KCTD8: variants seen among roughly 807,000 people sequenced by gnomAD.
KCTD8 encodes potassium channel tetramerization domain containing 8.
Under a neutral mutation model 31.5 loss-of-function variants are expected in KCTD8, and 27 were observed. The observed-to-expected ratio is 0.86, with a 90% CI of 0.63 to 1.18. KCTD8 has a LOEUF of 1.18. KCTD8 is among the 50% of genes most tolerant of loss of function. The pLI is 0.00. For synonymous variants in KCTD8, 290 were observed against 280.0 expected, an observed-to-expected ratio of 1.04 and a Z score of -0.36; for missense variants, 658 against 647.7, an observed-to-expected ratio of 1.02 and a Z score of -0.17.
rs980447276 is a variant in KCTD8 at position 44,245,883 on chromosome 4, C to T, written c.962-70633G>A. On this transcript the variant is annotated intron_variant, in intron 1 of 1. Transcript: ENST00000360029. ...AAACAATTTGAATAGAGATTCAGAA[C>T]AAAATATACCACCTGTATAATACTC... 2.0e-5 allele frequency among the ~76,000 whole-genome samples: 3 copies of T among 151,940 alleles called. No individual in the cohort carries two copies. In the South Asian group the frequency reaches 6.2e-4, roughly 31 times the overall value.
chr4:44,437,705 G>A (rs1426098809), intron 1 of KCTD8, among the ~76,000 whole-genome samples: 1 of 152,024 alleles, frequency 6.6e-6, no homozygotes, highest in Non-Finnish European at 1.5e-5. Flanking sequence ...AGATTACTTG[G>A]CACACAATAC....
chr4:44,194,487 T>C (rs1713870172), intron 1 of KCTD8, among the ~76,000 whole-genome samples: 3 of 152,166 alleles, frequency 2.0e-5, no homozygotes, highest in Admixed American at 2.0e-4. Flanking sequence ...AAAAGCATAC[T>C]TAATTATGAG....
intron 1 of KCTD8, among the ~76,000 whole-genome samples, chr4:44,394,641 A>T (rs867001011): frequency 2.6e-5 from 4 of 152,006 alleles, no homozygotes; most frequent in African/African-American, 9.7e-5. Context: ...TTCAAATCGG[A>T]TAATTTGACC....
chr4:44,337,959 TA>T (rs971270058), intron 1 of KCTD8, among the ~76,000 whole-genome samples: 2 of 151,952 alleles, frequency 1.3e-5, no homozygotes, highest in African/African-American at 4.8e-5. Context: ...AGTGCTTAAG[TA>T]AACAGAATAC....
intron 1 of KCTD8, among the ~76,000 whole-genome samples, chr4:44,402,103 C>T (rs886633394): frequency 1.3e-5 from 2 of 152,066 alleles, no homozygotes; most frequent in East Asian, 1.9e-4. Flanking sequence ...GTAAAGTGGA[C>T]GTGGCATTTG....
chr4:44,405,861 T>C (rs1429076196), intron 1 of KCTD8, among the ~76,000 whole-genome samples: 1 of 151,248 alleles, frequency 6.6e-6, no homozygotes, highest in Non-Finnish European at 1.5e-5. Flanking sequence ...TACTGTTTTG[T>C]TTATCCTGAA....
intron 1 of KCTD8, among the ~76,000 whole-genome samples, chr4:44,195,186 A>T (rs1031095990): frequency 1.4e-5 from 2 of 139,588 alleles, no homozygotes; most frequent in Admixed American, 1.5e-4. Flanking sequence ...CTAAATACAT[A>T]CTTTTTTTTT....
At chr4:44,195,625 TTTATAA>T (rs1380363500) in intron 1 of KCTD8, among the ~76,000 whole-genome samples, 1 of 152,222 alleles carries the variant, frequency 6.6e-6, no homozygotes, top group African/African-American at 2.4e-5. Flanking sequence ...TAGAAAAAAC[TTTATAA>T]TTAAAATCTT....
intron 1 of KCTD8, among the ~76,000 whole-genome samples, chr4:44,316,795 G>GA (rs71188270): frequency 0.075 from 3,004 of 40,038 alleles, 485 homozygotes; most frequent in Non-Finnish European, 0.1. Flanking sequence ...CTAAAAATAC[G>GA]AAAAAAAAAA....
intron 1 of KCTD8, among the ~76,000 whole-genome samples, chr4:44,405,494 T>G (rs1045003279): frequency 1.3e-5 from 2 of 152,024 alleles, no homozygotes; most frequent in Admixed American, 1.3e-4. Flanking sequence ...CTTGAGCTCA[T>G]GATGAGCTCG....
chr4:44,251,229 C>A (rs1413000642), intron 1 of KCTD8, among the ~76,000 whole-genome samples: 1 of 151,542 alleles, frequency 6.6e-6, no homozygotes, highest in Non-Finnish European at 1.5e-5. Flanking sequence ...AATTGTCACA[C>A]CTTTTAGTAA....
intron 1 of KCTD8, among the ~76,000 whole-genome samples, chr4:44,393,402 T>C (rs1483379929): frequency 1.3e-5 from 2 of 151,816 alleles, no homozygotes; most frequent in Non-Finnish European, 2.9e-5. Context: ...ACAGTTATTC[T>C]CACACTAGTG....
intron 1 of KCTD8, among the ~76,000 whole-genome samples, chr4:44,400,943 C>A (rs1720635027): frequency 6.6e-6 from 1 of 151,502 alleles, no homozygotes; most frequent in Non-Finnish European, 1.5e-5. Flanking sequence ...CTCAAGCAAT[C>A]CCTCTGCCTC....
At chr4:44,197,031 C>G (rs1713964464) in intron 1 of KCTD8, among the ~76,000 whole-genome samples, 1 of 152,206 alleles carries the variant, frequency 6.6e-6, no homozygotes, top group South Asian at 2.1e-4. Flanking sequence ...GCTTGGGCTT[C>G]CAGCTCAGTG....
chr4:44,399,467 C>G (rs904910272), intron 1 of KCTD8, among the ~76,000 whole-genome samples: 4 of 152,082 alleles, frequency 2.6e-5, no homozygotes, highest in Admixed American at 2.6e-4. Context: ...TAAGCAAGAT[C>G]CCAGAGGCGG....
chr4:44,270,427 A>G lies in KCTD8; in HGVS notation c.962-95177T>C, dbSNP rs556920094. On this transcript the variant is annotated intron_variant, in intron 1 of 1. Transcript: ENST00000360029. The stretch of plus-strand genomic sequence containing the variant: ...GAGGGAGGAGGGATAGCATTAGGAG[A>G]TATACCTAATGCTAAATGATGAGTT... Among the ~76,000 whole-genome samples the G allele has an allele frequency of 1.2e-3, 188 of 150,622 alleles. 1 individual carries two copies. The highest frequency in any genetic ancestry group is 1.6e-3 in the Non-Finnish European group (111 of 67,704).
At position 44,448,606 on chromosome 4, in the gene KCTD8, C is replaced by T; in HGVS notation, c.-83G>A. ...CCCGCGCCCCAGCCCTCCGCGTGCTCCTGGCGCTCTGCGCCCTCGGACTGG... is the reference window on the plus strand; with the variant it reads ...CCCGCGCCCCAGCCCTCCGCGTGCTTCTGGCGCTCTGCGCCCTCGGACTGG... On this transcript the variant is annotated 5_prime_UTR_variant, in exon 1 of 2. Transcript: ENST00000360029. This position sits in a 1 kb window ranked among gnomAD's most constrained non-coding sequence, Gnocchi z 4.1. 1 of 1,327,406 alleles carries T rather than the reference C, an allele frequency of 7.5e-7. No homozygotes were observed. 82.2% of individuals were successfully genotyped at this position (1,327,406 alleles called of 1,614,324 possible).
At chr4:44,182,590 C>T (rs901850228) in intron 1 of KCTD8, among the ~76,000 whole-genome samples, 4 of 152,118 alleles carry the variant, frequency 2.6e-5, no homozygotes, top group Non-Finnish European at 5.9e-5. Flanking sequence ...TTGAAGGCAG[C>T]ATGCTCGTTA....
intron 1 of KCTD8, among the ~76,000 whole-genome samples, chr4:44,188,163 C>A (rs1713646566): frequency 6.6e-6 from 1 of 152,208 alleles, no homozygotes; most frequent in Non-Finnish European, 1.5e-5. Context: ...CAACAATCCT[C>A]AGCCATATGC....
Sources: allele counts gnomAD v4.1 joint callset (sites outside exome capture counted in the v4.1 genomes callset), GRCh38; gene constraint gnomAD v4.1.1; non-coding constraint Gnocchi (gnomAD v3.1); transcripts MANE v1.5; gene names NCBI Gene and HGNC (gene_info 2026-07-23, HGNC 2026-07-21).